The following TFPI variants were observed in gnomAD, a reference collection of about 807,000 sequenced individuals.
The protein encoded by TFPI is anti-convertin.
In TFPI, 15 loss-of-function variants were observed where a neutral mutation model predicts 34.6. That is an observed-to-expected ratio of 0.43 (90% confidence interval 0.29 to 0.67). The LOEUF (loss-of-function observed/expected upper bound fraction) is 0.67, where lower values mean the gene tolerates loss of function less well. TFPI is among the 30% of genes least tolerant of loss of function. The pLI, the probability that TFPI is intolerant of heterozygous loss-of-function variation, is 0.15. For missense variants in TFPI, 301 were observed against 364.0 expected (o/e 0.83, Z 1.41); for synonymous variants, 105 against 120.1 (o/e 0.87, Z 0.82).
chr2:187,503,584 AT>A (rs1188930416), intron 2 of TFPI, 63 bp downstream of exon 2: 34 of 1,561,636 alleles, frequency 2.2e-5, no homozygotes, highest in Non-Finnish European at 2.9e-5. Flanking sequence ...ACTATGGTAG[AT>A]TTTTTAGATT....
intron 1 of TFPI, chr2:187,517,407 G>A (rs1277489705): frequency 6.6e-6 from 1 of 152,136 alleles, no homozygotes; most frequent in Non-Finnish European, 1.5e-5. Flanking sequence ...TATTTACCCA[G>A]TAGTCATTTA....
At chr2:187,472,525 A>G (rs1692105270) in intron 6 of TFPI, among the ~76,000 whole-genome samples, 1 of 152,182 alleles carries the variant, frequency 6.6e-6, no homozygotes, top group Non-Finnish European at 1.5e-5. Context: ...TTAGCAAACC[A>G]TGGACCTTAC....
Position 187,554,375 on chromosome 2 carries a change from C to A in TFPI, c.-178G>T, listed in dbSNP as rs1689197808. Reference sequence around the variant, plus strand: ...CTGAAAGAAACGCAATCTGATCTTACTAGCAGTGAAAGAGCGAGGTAAGAA... The same window carrying A: ...CTGAAAGAAACGCAATCTGATCTTAATAGCAGTGAAAGAGCGAGGTAAGAA... On this transcript the variant is annotated 5_prime_UTR_variant, in exon 1 of 8. Coordinates refer to ENST00000233156, the MANE Select transcript of TFPI (RefSeq NM_006287.6). The A allele has an allele frequency of 6.6e-6, 1 of 152,170 alleles. No homozygotes were observed. The highest frequency in any genetic ancestry group is 1.5e-5 in the Non-Finnish European group (1 of 68,034). 9.4% of individuals were successfully genotyped at this position (152,170 alleles called of 1,614,324 possible).
At chr2:187,512,474 T>G (rs1336154618) in intron 1 of TFPI, among the ~76,000 whole-genome samples, 2 of 150,414 alleles carry the variant, frequency 1.3e-5, no homozygotes, top group Admixed American at 6.7e-5. Context: ...TAAGAGGAAC[T>G]CCCTTCAGGA....
intron 1 of TFPI, among the ~76,000 whole-genome samples, chr2:187,506,453 T>C (rs2106134627): frequency 6.6e-6 from 1 of 152,258 alleles, no homozygotes; most frequent in Non-Finnish European, 1.5e-5. Context: ...ATCGTTAATA[T>C]ACCAAAATTG....
chr2:187,520,727 A>G (rs1687324095), intron 1 of TFPI: 3 of 152,112 alleles, frequency 2.0e-5, no homozygotes, highest in Admixed American at 1.3e-4. Context: ...ATACTTTTGC[A>G]CCAGATATTT....
At chr2:187,530,014 G>A (rs1341312640) in intron 1 of TFPI, among the ~76,000 whole-genome samples, 1 of 152,190 alleles carries the variant, frequency 6.6e-6, no homozygotes, top group Non-Finnish European at 1.5e-5. Flanking sequence ...TTCCTTAAGA[G>A]TGAAGTACTG....
chr2:187,544,705 A>G (rs2106316965), intron 1 of TFPI: 1 of 152,122 alleles, frequency 6.6e-6, no homozygotes, highest in African/African-American at 2.4e-5. Flanking sequence ...TTTTACAGGA[A>G]GTCATACTTT....
intron 1 of TFPI, among the ~76,000 whole-genome samples, chr2:187,528,217 G>C (rs1687776909): frequency 6.6e-6 from 1 of 152,098 alleles, no homozygotes; most frequent in Admixed American, 6.6e-5. Flanking sequence ...AAGGGCGTAG[G>C]TCTAAAGCTT....
chr2:187,497,038 A>C lies in TFPI; in HGVS notation c.162T>G (p.Cys54Trp). ...ATGGGCCATCATCCGCCTTGAATGC[A>C]CAAAATGAATGCATAAGTTTCAGTG... is the stretch of plus-strand genomic sequence containing the variant. ...LPPLKLMHSF[C>W]AFKADDGPCK... The change falls in exon 3 of 8, where the codon TGT becomes TGG. Residue 54 changes from cysteine to tryptophan, a missense_variant. Coordinates refer to ENST00000233156, the MANE Select transcript of TFPI (RefSeq NM_006287.6). The C allele has an allele frequency of 6.2e-7, 1 of 1,613,252 alleles. No individual in the cohort carries two copies.
Position 187,475,684 on chromosome 2 carries a change from G to A in TFPI, c.629-7752C>T, listed in dbSNP as rs556851868. On this transcript the variant is annotated intron_variant, in intron 6 of 7. Coordinates refer to ENST00000233156, the MANE Select transcript of TFPI (RefSeq NM_006287.6). ...GATCTTTTTTTCAAGGCCACAGACT[G>A]AGTCAGCAAATAGCAGAACTGGAAT... Among the ~76,000 whole-genome samples the A allele has an allele frequency of 3.9e-5, 6 of 152,280 alleles. No individual in the cohort carries two copies. In the South Asian group the frequency reaches 1.0e-3, roughly 26 times the overall value.
At chr2:187,550,221 GAGAAAAGTCTAA>G (rs1160286064) in intron 1 of TFPI, among the ~76,000 whole-genome samples, 4 of 152,090 alleles carry the variant, frequency 2.6e-5, no homozygotes, top group African/African-American at 9.7e-5. Flanking sequence ...GCATTCATAA[GAGAAAAGTCTAA>G]AGACTGGGTG....
At chr2:187,505,742 G>A (rs1267163121) in intron 1 of TFPI, among the ~76,000 whole-genome samples, 4 of 152,098 alleles carry the variant, frequency 2.6e-5, no homozygotes, top group South Asian at 4.1e-4. Context: ...TTTGAGTTGG[G>A]AATTGTAGGA....
intron 2 of TFPI, among the ~76,000 whole-genome samples, chr2:187,501,866 T>C (rs1685874289): frequency 6.6e-6 from 1 of 152,164 alleles, no homozygotes; most frequent in African/African-American, 2.4e-5. Flanking sequence ...TAGATTATCC[T>C]CCCTGCTGAT....
At chr2:187,488,702 G>GAATTTCATAT (rs1215220226) in intron 3 of TFPI, among the ~76,000 whole-genome samples, 1 of 151,340 alleles carries the variant, frequency 6.6e-6, no homozygotes, top group African/African-American at 2.4e-5. Flanking sequence ...TTAAAAATGT[G>GAATTTCATAT]AAATATGAAA....
chr2:187,541,174 C>G (rs1688565294), intron 1 of TFPI, among the ~76,000 whole-genome samples: 1 of 152,032 alleles, frequency 6.6e-6, no homozygotes, highest in Non-Finnish European at 1.5e-5. Flanking sequence ...AAAGTTTTCA[C>G]AGAGCAATTT....
intron 6 of TFPI, among the ~76,000 whole-genome samples, chr2:187,478,096 G>GATGT (rs1482208046): frequency 8.5e-5 from 13 of 152,114 alleles, no homozygotes; most frequent in Non-Finnish European, 1.6e-4. Flanking sequence ...CTCAAGAGTT[G>GATGT]ATGTATGGGG....
At chr2:187,512,618 T>G (rs1241633961) in intron 1 of TFPI, among the ~76,000 whole-genome samples, 2 of 151,916 alleles carry the variant, frequency 1.3e-5, no homozygotes, top group South Asian at 4.2e-4. Context: ...ACTTACAAGG[T>G]TTTCAGCAAA....
chr2:187,549,137 T>C (rs920616850), intron 1 of TFPI, among the ~76,000 whole-genome samples: 1 of 152,036 alleles, frequency 6.6e-6, no homozygotes, highest in Non-Finnish European at 1.5e-5. Context: ...TGAATAATGT[T>C]CACATAGCTA....
Sources: allele counts gnomAD v4.1 joint callset (sites outside exome capture counted in the v4.1 genomes callset), GRCh38; gene constraint gnomAD v4.1.1; transcripts MANE v1.5; gene names NCBI Gene and HGNC (gene_info 2026-07-23, HGNC 2026-07-21).